The following KIAA1755 variants were observed in gnomAD, a reference collection of about 807,000 sequenced individuals.
KIAA1755 encodes KIAA1755.
In KIAA1755, 68 loss-of-function variants were observed where a neutral mutation model predicts 91.7. That is an observed-to-expected ratio of 0.74 (90% confidence interval 0.61 to 0.91). KIAA1755 has a LOEUF of 0.91. Ranked by LOEUF, KIAA1755 falls within the 40% of genes least tolerant of loss-of-function variation. The pLI is 0.00. For missense variants in KIAA1755, 1,535 were observed against 1,494.4 expected (o/e 1.03, Z -0.45); for synonymous variants, 610 against 604.6 (o/e 1.01, Z -0.13).
chr20:38,233,460 G>C (rs6024141), intron 4 of KIAA1755: 1 of 152,150 alleles, frequency 6.6e-6, no homozygotes, highest in Non-Finnish European at 1.5e-5. Flanking sequence ...TATCGCAGCT[G>C]TTTGTTGGGT....
chr20:38,236,643 G>A (rs1037219770), intron 4 of KIAA1755, among the ~76,000 whole-genome samples: 9 of 152,156 alleles, frequency 5.9e-5, no homozygotes, highest in South Asian at 4.1e-4. Flanking sequence ...CAAATGCTGC[G>A]GAAGGGCCTA....
chr20:38,243,069 G>A (rs1028248156), intron 2 of KIAA1755, among the ~76,000 whole-genome samples: 15 of 152,172 alleles, frequency 9.9e-5, no homozygotes, highest in Non-Finnish European at 2.1e-4. Flanking sequence ...TGGCAACAAC[G>A]GAAACAACAG....
Position 38,241,944 on chromosome 20 carries a change from G to C in KIAA1755, c.202-15C>G. On this transcript the variant is annotated splice_polypyrimidine_tract_variant and intron_variant, in intron 2 of 13. Coordinates refer to ENST00000279024, the MANE Select transcript of KIAA1755 (RefSeq NM_001029864.2). ...GAGTAGGGAGCCTGTGGAGAGAAGG[G>C]GATGGCATCAGAGAACCTGGCCCTG... 1 of 1,600,696 alleles carries C rather than the reference G, an allele frequency of 6.2e-7. No homozygotes were observed. Among genetic ancestry groups the C allele is most frequent in the Non-Finnish European group, 8.5e-7 (1 of 1,172,740 alleles).
Position 38,213,511 on chromosome 20 carries a change from CG to C in KIAA1755, c.3133del (p.Arg1045GlyfsTer8). 1 of 1,610,392 alleles carries C rather than the reference CG, an allele frequency of 6.2e-7. No homozygotes were observed. The highest frequency in any genetic ancestry group is 8.5e-7 in the Non-Finnish European group (1 of 1,178,812). ...EEARIRHEEI[R>X]MLLEKALTHS... is the part of the protein sequence containing the mutation. ...GGTCAGTGCCTTCTCCAGGAGCATC[CG>C]GATCTCCTCATGCCTGATCCGGGCC... On this transcript the variant is annotated frameshift_variant, in exon 14 of 14. Transcript: ENST00000279024. LOFTEE classifies it low-confidence loss of function (END_TRUNC).
Position 38,215,710 on chromosome 20 carries a change from G to C in KIAA1755, c.2901+1543C>G, listed in dbSNP as rs190797762. Among the ~76,000 whole-genome samples, 10 of 152,302 alleles carry C rather than the reference G, an allele frequency of 6.6e-5. No individual in the cohort carries two copies. In the East Asian group the frequency reaches 1.5e-3, roughly 23 times the overall value. ...CCTCAGAGTTGGAGCACGTTTGATC[G>C]ATCCGGGAAGGCCAGTGGGGCTGAA... On this transcript the variant is annotated intron_variant, in intron 13 of 13. Transcript: ENST00000279024.
intron 1 of KIAA1755, among the ~76,000 whole-genome samples, chr20:38,247,036 C>T (rs1439207725): frequency 6.6e-6 from 1 of 152,226 alleles, no homozygotes; most frequent in African/African-American, 2.4e-5. Flanking sequence ...GCAGTCAGCC[C>T]GTCCCCCTGG....
At chr20:38,259,994 C>A (rs770452375) in intron 1 of KIAA1755, among the ~76,000 whole-genome samples, 14 of 152,146 alleles carry the variant, frequency 9.2e-5, no homozygotes, top group Non-Finnish European at 1.3e-4. Context: ...TCTAAAACAG[C>A]AAAAGCATCC....
At chr20:38,222,972 C>T (rs1440159459) in intron 9 of KIAA1755, 2 of 324,482 alleles carry the variant, frequency 6.2e-6, no homozygotes, top group African/African-American at 4.3e-5. Context: ...GAACTGAATC[C>T]CAGCCCAACT....
Position 38,217,261 on chromosome 20 carries a change from A to G in KIAA1755, c.2893T>C (p.Cys965Arg). 1.3e-6 allele frequency: 2 copies of G among 1,599,214 alleles called. No individual in the cohort carries two copies. The highest frequency in any genetic ancestry group is 1.7e-6 in the Non-Finnish European group (2 of 1,174,590). ...LETLLHLHRF[C>R]KRMTWFHMDC... The stretch of plus-strand genomic sequence containing the variant: ...TGGGCCGCGGGGCTCACCCTCTTGC[A>G]GAAGCGGTGCAGGTGGAGCAGCGTC... The change falls in exon 13 of 14, where the codon TGC (cysteine) becomes CGC (arginine). Residue 965 changes from cysteine (C) to arginine (R), a missense_variant. Cys to Arg is a radical substitution (Grantham distance 180, BLOSUM62 -3). Coordinates refer to ENST00000279024, the MANE Select transcript of KIAA1755 (RefSeq NM_001029864.2).
chr20:38,253,943 G>T lies in KIAA1755; in HGVS notation c.3+6555C>A, dbSNP rs1240240776. ...TTGTTGCCCAGGCTGGAGTGCAATG[G>T]TGCCATCTCGACTCACTGCAACCTC... On this transcript the variant is annotated intron_variant, in intron 1 of 13. Coordinates refer to ENST00000279024, the MANE Select transcript of KIAA1755 (RefSeq NM_001029864.2). 2.0e-5 allele frequency among the ~76,000 whole-genome samples: 3 copies of T among 152,302 alleles called. No homozygotes were observed. In the East Asian group the frequency reaches 5.8e-4, roughly 29 times the overall value.
chr20:38,230,517 A>G (rs769080726), intron 5 of KIAA1755, among the ~76,000 whole-genome samples: 16 of 152,196 alleles, frequency 1.1e-4, no homozygotes, highest in Non-Finnish European at 2.1e-4. Context: ...CACCTTCATC[A>G]ACTGAATCAG....
rs77262211 is a variant in KIAA1755, at chr20:38,221,106, C to T, written c.2418-1338G>A. 9.4e-3 allele frequency among the ~76,000 whole-genome samples: 1,434 copies of T among 152,304 alleles called. 22 individuals carry two copies. The highest frequency in any genetic ancestry group is 0.033 in the African/African-American group (1,359 of 41,546). On this transcript the variant is annotated intron_variant, in intron 10 of 13. Transcript: ENST00000279024. Reference sequence around the variant, plus strand: ...CTCCCCATCTGACTGCAGCTCCCCACGGGTTGCCACCCTTGCAGGGAAGAG... The same window carrying T: ...CTCCCCATCTGACTGCAGCTCCCCATGGGTTGCCACCCTTGCAGGGAAGAG...
At chr20:38,247,407 C>A (rs1398529552) in intron 1 of KIAA1755, among the ~76,000 whole-genome samples, 1 of 152,180 alleles carries the variant, frequency 6.6e-6, no homozygotes, top group Non-Finnish European at 1.5e-5. Flanking sequence ...TGCTGGAATG[C>A]CCTTCACTTC....
At chr20:38,214,979 G>A (rs1270337687) in intron 13 of KIAA1755, among the ~76,000 whole-genome samples, 2 of 152,208 alleles carry the variant, frequency 1.3e-5, no homozygotes, top group African/African-American at 4.8e-5. Context: ...GGAGCTCATG[G>A]CCGGGAAAGA....
At chr20:38,238,954 T>C (rs2076005482) in intron 4 of KIAA1755, among the ~76,000 whole-genome samples, 1 of 152,198 alleles carries the variant, frequency 6.6e-6, no homozygotes, top group Non-Finnish European at 1.5e-5. Flanking sequence ...ACTGGATCAC[T>C]GGCTCCCCCT....
In KIAA1755 at chr20:38,218,321, G is replaced by A. The variant is rs143941210; in HGVS notation, c.2602C>T (p.Leu868=). Residue 868 remains leucine (L), a synonymous_variant, in exon 12 of 14, where the codon CTG becomes TTG. Coordinates refer to ENST00000279024, the MANE Select transcript of KIAA1755 (RefSeq NM_001029864.2). ...EQEGRRCLQS[L]TPKDGSLETV... The stretch of plus-strand genomic sequence containing the variant: ...TCCAAACTTCCATCCTTGGGGGTCA[G>A]TGATTGCAGGCACCGCCTTCCTTCC... 2.1e-3 allele frequency: 3,459 copies of A among 1,614,226 alleles called. 6 individuals carry two copies. Among genetic ancestry groups the A allele is most frequent in the Admixed American group, 3.2e-3 (193 of 60,028 alleles).
intron 1 of KIAA1755, among the ~76,000 whole-genome samples, chr20:38,258,970 AG>A (rs1162449472): frequency 6.6e-6 from 1 of 152,184 alleles, no homozygotes; most frequent in Non-Finnish European, 1.5e-5. Context: ...GGCAAACACC[AG>A]GTGCACGCTG....
intron 1 of KIAA1755, among the ~76,000 whole-genome samples, chr20:38,251,429 A>C (rs1347278406): frequency 1.3e-5 from 2 of 152,024 alleles, no homozygotes; most frequent in Non-Finnish European, 2.9e-5. Context: ...TTCTGGACTG[A>C]CCCAGGGAAC....
intron 7 of KIAA1755, 64 bp downstream of exon 7, chr20:38,227,090 A>C: frequency 8.0e-7 from 1 of 1,247,106 alleles, no homozygotes; most frequent in Non-Finnish European, 1.2e-6. Context: ...CCCTCTCCTT[A>C]ACCCCAGCTC....
Sources: gnomAD v4.1 joint callset for allele counts (sites outside exome capture counted in the v4.1 genomes callset) on GRCh38, gnomAD v4.1.1 for gene constraint, MANE v1.5 for transcripts, NCBI Gene and HGNC (gene_info 2026-07-23, HGNC 2026-07-21) for gene names.